The following RTN1 variants were observed in gnomAD, a reference collection of about 807,000 sequenced individuals.
RTN1 encodes the protein reticulon-1.
RTN1 carries 25 observed loss-of-function variants against 65.5 expected under a neutral mutation model. The ratio of observed to expected loss-of-function variants is 0.38; its 90% CI spans 0.28 to 0.53. The LOEUF (loss-of-function observed/expected upper bound fraction) is 0.53, where lower values mean the gene tolerates loss of function less well. Among genes scored for constraint, RTN1 ranks in the 20% least tolerant of loss-of-function variants. The pLI, the probability that RTN1 is intolerant of heterozygous loss-of-function variation, is 0.79. For missense variants in RTN1, 983 were observed against 1,025.4 expected, an observed-to-expected ratio of 0.96 and a Z score of 0.57; for synonymous variants, 471 against 447.6, an observed-to-expected ratio of 1.05 and a Z score of -0.66.
chr14:59,818,608 T>G (rs1388281514), intron 1 of RTN1, among the ~76,000 whole-genome samples: 1 of 152,240 alleles, frequency 6.6e-6, no homozygotes, highest in Non-Finnish European at 1.5e-5. Context: ...TCATCGCGAA[T>G]AGTATGATGA....
chr14:59,800,325 T>A (rs1327288690), intron 1 of RTN1, among the ~76,000 whole-genome samples: 1 of 152,178 alleles, frequency 6.6e-6, no homozygotes, highest in Non-Finnish European at 1.5e-5. Flanking sequence ...ATTTGCCTCT[T>A]TCTCTATTAT....
intron 1 of RTN1, among the ~76,000 whole-genome samples, chr14:59,783,534 A>T (rs1349788384): frequency 6.6e-6 from 1 of 152,224 alleles, no homozygotes; most frequent in East Asian, 1.9e-4. Context: ...TTCCTCCACC[A>T]CAGGCCCTCT....
In RTN1 at chr14:59,870,484, C is replaced by A; in HGVS notation, c.147G>T (p.Pro49=). The change falls in exon 1 of 9, where the codon CCG becomes CCT. Residue 49 remains proline, a synonymous_variant. Coordinates refer to ENST00000267484, the MANE Select transcript of RTN1 (RefSeq NM_021136.3). The surrounding 1 kb of genome is among the most constrained non-coding windows in gnomAD (Gnocchi z 5.1). ...CTTCCCGGGCCCTGGCGCCCAACCC[C>A]GGGCTGGGCTCCCCAGCCTGCGGCG... The part of the protein sequence containing the change: ...TPAPQAGEPS[P]GLGARAREAA... 6.8e-7 allele frequency: 1 copy of A among 1,465,768 alleles called. No individual in the cohort carries two copies. The highest frequency in any genetic ancestry group is 9.0e-7 in the Non-Finnish European group (1 of 1,116,090). The allele number at this position is 1,465,768 out of a possible 1,614,324, so 90.8% of individuals were successfully genotyped here.
chr14:59,654,443 A>AG (rs1314759504), intron 3 of RTN1, among the ~76,000 whole-genome samples: 1 of 151,694 alleles, frequency 6.6e-6, no homozygotes, highest in East Asian at 1.9e-4. Flanking sequence ...AAAAAAAAAA[A>AG]AAAAGGAGGA....
chr14:59,695,400 T>A (rs1344555417), intron 3 of RTN1, among the ~76,000 whole-genome samples: 1 of 152,216 alleles, frequency 6.6e-6, no homozygotes, highest in East Asian at 1.9e-4. Flanking sequence ...CGATGTTCAC[T>A]TACCACATTT....
intron 1 of RTN1, among the ~76,000 whole-genome samples, chr14:59,813,278 TTTC>T (rs2139615569): frequency 1.3e-5 from 2 of 152,338 alleles, no homozygotes; most frequent in Admixed American, 1.3e-4. Flanking sequence ...GAAACTGAAT[TTTC>T]TAATCCATCT....
intron 3 of RTN1, among the ~76,000 whole-genome samples, chr14:59,656,259 G>C (rs1028636190): frequency 9.2e-5 from 14 of 151,664 alleles, no homozygotes; most frequent in Middle Eastern, 3.4e-3. Flanking sequence ...GGTTTCTTTG[G>C]GGGGTAATGA....
chr14:59,861,112 C>T (rs956588142), intron 1 of RTN1, among the ~76,000 whole-genome samples: 1 of 151,924 alleles, frequency 6.6e-6, no homozygotes, highest in African/African-American at 2.4e-5. Flanking sequence ...TTGGGAGGGG[C>T]CAGGGGCAGA....
At position 59,607,393 on chromosome 14, in the gene RTN1, C is replaced by A; in HGVS notation, c.1865G>T (p.Ser622Ile). Residue 622 changes from serine (S) to isoleucine (I), a missense_variant, in exon 4 of 9, where the codon AGC becomes ATC. Transcript: ENST00000267484. ...LFSLTQFSVV[S>I]VVAYLALAAL... ...GGCCAGGGCCAGGTAGGCCACGACG[C>A]TCACCACGCTGAACTGGGTCAGGGA... 6.2e-7 allele frequency: 1 copy of A among 1,614,086 alleles called. No homozygotes were observed. Among genetic ancestry groups the A allele is most frequent in the Non-Finnish European group, 8.5e-7 (1 of 1,180,026 alleles).
intron 3 of RTN1, among the ~76,000 whole-genome samples, chr14:59,639,723 G>C (rs988025695): frequency 1.4e-4 from 22 of 152,172 alleles, no homozygotes; most frequent in Non-Finnish European, 3.2e-4. Context: ...CCAGTTTTCT[G>C]AGAGTTTTTG....
At chr14:59,807,994 T>C (rs1470049562) in intron 1 of RTN1, among the ~76,000 whole-genome samples, 1 of 152,226 alleles carries the variant, frequency 6.6e-6, no homozygotes, top group Non-Finnish European at 1.5e-5. Flanking sequence ...AAGCGAGTCA[T>C]ACAGGATGTT....
chr14:59,596,758 C>T lies in RTN1; in HGVS notation c.2318G>A (p.Arg773Lys). The T allele has an allele frequency of 6.2e-7, 1 of 1,611,694 alleles. No homozygotes were observed. The highest frequency in any genetic ancestry group is 2.2e-5 in the East Asian group (1 of 44,862). The change falls in exon 9 of 9, where the codon AGG becomes AAG. Residue 773 changes from arginine (R) to lysine (K), a missense_variant. Coordinates refer to ENST00000267484, the MANE Select transcript of RTN1 (RefSeq NM_021136.3). ...TGGGAAATCAGTTTACTCAGCATGC[C>T]TCTTAGCGCCTGGGATTTTAGCCTG... ...KIQAKIPGAK[R>K]HAE is the part of the protein sequence containing the mutation.
intron 1 of RTN1, among the ~76,000 whole-genome samples, chr14:59,750,341 C>A (rs1202712492): frequency 5.2e-3 from 7 of 1,340 alleles, no homozygotes; most frequent in African/African-American, 8.3e-3. Context: ...TATATTATAT[C>A]TATAATATAT....
intron 1 of RTN1, among the ~76,000 whole-genome samples, chr14:59,800,903 A>T (rs1215453192): frequency 6.6e-6 from 1 of 152,084 alleles, no homozygotes; most frequent in Non-Finnish European, 1.5e-5. Context: ...GGAGTAAAAA[A>T]TTTTTTTAAT....
At chr14:59,618,174 ACCT>A (rs1417911887) in intron 3 of RTN1, among the ~76,000 whole-genome samples, 1 of 152,108 alleles carries the variant, frequency 6.6e-6, no homozygotes, top group African/African-American at 2.4e-5. Context: ...CCCAAAGCAG[ACCT>A]CCTTCTTGCC....
chr14:59,663,616 G>C (rs1248925637), intron 3 of RTN1, among the ~76,000 whole-genome samples: 1 of 148,180 alleles, frequency 6.7e-6, no homozygotes, highest in Non-Finnish European at 1.5e-5. Context: ...AATCTACAAG[G>C]AACTTAAACA....
At chr14:59,813,939 G>C (rs1366998038) in intron 1 of RTN1, among the ~76,000 whole-genome samples, 1 of 152,134 alleles carries the variant, frequency 6.6e-6, no homozygotes, top group Non-Finnish European at 1.5e-5. Flanking sequence ...TGGAATTGAT[G>C]AGGAGATAAA....
chr14:59,616,274 AC>A (rs2140172504), intron 3 of RTN1, among the ~76,000 whole-genome samples: 1 of 152,324 alleles, frequency 6.6e-6, no homozygotes, highest in East Asian at 1.9e-4. Context: ...TATTATGTTA[AC>A]AGACTGTGTG....
chr14:59,821,294 T>C (rs1688062481), intron 1 of RTN1, among the ~76,000 whole-genome samples: 1 of 152,242 alleles, frequency 6.6e-6, no homozygotes, highest in Non-Finnish European at 1.5e-5. Context: ...GATTGCATTC[T>C]TGATTTGGCT....
Sources: allele counts gnomAD v4.1 joint callset (sites outside exome capture counted in the v4.1 genomes callset), GRCh38; gene constraint gnomAD v4.1.1; non-coding constraint Gnocchi (gnomAD v3.1); transcripts MANE v1.5; gene names NCBI Gene and HGNC (gene_info 2026-07-23, HGNC 2026-07-21).